HEPACAM: variants seen among roughly 807,000 people sequenced by gnomAD.
The protein encoded by HEPACAM is hepatocyte cell adhesion molecule.
HEPACAM carries 18 observed loss-of-function variants against 38.3 expected under a neutral mutation model. The ratio of observed to expected loss-of-function variants is 0.47; its 90% CI spans 0.33 to 0.70. The LOEUF is 0.70. HEPACAM is among the 30% of genes least tolerant of loss of function. HEPACAM has a pLI of 0.03. For missense variants in HEPACAM, 466 were observed against 563.0 expected (o/e 0.83, Z 1.74); for synonymous variants, 216 against 243.1 (o/e 0.89, Z 1.04).
At position 124,924,880 on chromosome 11, in the gene HEPACAM, C is replaced by T. The variant is rs387907050; in HGVS notation, c.275G>A (p.Arg92Gln). Residue 92 changes from arginine (R) to glutamine (Q), a missense_variant, in exon 2 of 7, where the codon CGG becomes CAG. Transcript: ENST00000298251. The surrounding 1 kb of genome is among the most constrained non-coding windows in gnomAD (Gnocchi z 4.4). ...SIGTEVIGTLRPDYRDRIRLF... is the reference protein window; with the variant it reads ...SIGTEVIGTLQPDYRDRIRLF... ...TCGGATACGGTCTCGATAGTCAGGC[C>T]GCAGGGTGCCGATGACCTCTGTGCC... is the stretch of plus-strand genomic sequence containing the variant. 6.2e-7 allele frequency: 1 copy of T among 1,614,180 alleles called. No homozygotes were observed.
chr11:124,922,917 CT>C (rs1478803922), intron 4 of HEPACAM, 99 bp from the exon 5 acceptor site: 1 of 1,220,762 alleles, frequency 8.2e-7, no homozygotes, highest in East Asian at 2.3e-5. Flanking sequence ...TAAAAGAGGC[CT>C]TGTGACAGGA....
At chr11:124,922,014 A>C (rs917264010) in intron 6 of HEPACAM, among the ~76,000 whole-genome samples, 1 of 152,218 alleles carries the variant, frequency 6.6e-6, no homozygotes, top group Non-Finnish European at 1.5e-5. Context: ...GCAAAGCTTC[A>C]TATGTATTTA....
rs1443833639 is a variant in HEPACAM at position 124,923,778 on chromosome 11, C to T, written c.660G>A (p.Glu220=). 1.9e-6 allele frequency: 3 copies of T among 1,614,076 alleles called. No homozygotes were observed. The highest frequency in any genetic ancestry group is 1.3e-5 in the African/African-American group (1 of 74,924). Residue 220 remains glutamate (E), a synonymous_variant, in exon 3 of 7, where the codon GAG becomes GAA. Coordinates refer to ENST00000298251, the MANE Select transcript of HEPACAM (RefSeq NM_152722.5). ...GGCTGCGGCCCTGGCTGATGGGGTT[C>T]TCCACCATGCAGCTGTACAGGTCGT... ...EDDDLYSCMV[E]NPISQGRSLP...
intron 1 of HEPACAM, among the ~76,000 whole-genome samples, chr11:124,933,013 A>C (rs1286553577): frequency 6.6e-6 from 1 of 152,082 alleles, no homozygotes; most frequent in Non-Finnish European, 1.5e-5. Context: ...TTGGTCCCAG[A>C]AGCAAACATT....
In HEPACAM at chr11:124,921,229, C is replaced by G. The variant is rs1182107619; in HGVS notation, c.1160G>C (p.Arg387Pro). 2 of 1,469,590 alleles carry G rather than the reference C, an allele frequency of 1.4e-6. No individual in the cohort carries two copies. Among genetic ancestry groups the G allele is most frequent in the Non-Finnish European group, 1.8e-6 (2 of 1,116,646 alleles). The allele number at this position is 1,469,590 out of a possible 1,614,324, so 91.0% of individuals were successfully genotyped here. ...SPPRAPSSPG[R>P]SRSASRTLRT... is the part of the protein sequence containing the mutation. ...CAGTGTGCGCGAGGCGCTGCGCGAGCGGCCGGGCGAGCTCGGGGCCCTGGG... is the reference window on the plus strand; with the variant it reads ...CAGTGTGCGCGAGGCGCTGCGCGAGGGGCCGGGCGAGCTCGGGGCCCTGGG... The change falls in exon 7 of 7, where the codon CGC becomes CCC. Residue 387 changes from arginine to proline, a missense_variant. By Grantham distance (103) the Arg-to-Pro change is moderately radical. Coordinates refer to ENST00000298251, the MANE Select transcript of HEPACAM (RefSeq NM_152722.5). The surrounding 1 kb of genome is among the most constrained non-coding windows in gnomAD (Gnocchi z 4.6).
Position 124,920,967 on chromosome 11 carries a change from C to A in HEPACAM, c.*171G>T. 1.5e-6 allele frequency: 2 copies of A among 1,365,582 alleles called. No homozygotes were observed. The highest frequency in any genetic ancestry group is 1.9e-6 in the Non-Finnish European group (2 of 1,062,936). 84.6% of individuals were successfully genotyped at this position (1,365,582 alleles called of 1,614,324 possible). On this transcript the variant is annotated 3_prime_UTR_variant, in exon 7 of 7. Coordinates refer to ENST00000298251, the MANE Select transcript of HEPACAM (RefSeq NM_152722.5). ...CACCATATCAACACTGCCGCCTCCG[C>A]GCACCCGCCTCCGTCTGCGCATGCT...
In HEPACAM at chr11:124,920,677, GCA is replaced by G. The variant is rs1491245979; in HGVS notation, c.*459_*460del. ...AAAGTGGCCTCTCTAATCTGAACTTGCAAAAAAAAAAAAAAAAAAAAAAAAAA... is the reference window on the plus strand; with the variant it reads ...AAAGTGGCCTCTCTAATCTGAACTTGAAAAAAAAAAAAAAAAAAAAAAAAA... On this transcript the variant is annotated 3_prime_UTR_variant, in exon 7 of 7. Transcript: ENST00000298251. The G allele has an allele frequency of 5.4e-3, 579 of 107,916 alleles. 11 individuals carry two copies. The highest frequency in any genetic ancestry group is 0.015 in the South Asian group (83 of 5,710). 6.7% of individuals were successfully genotyped at this position (107,916 alleles called of 1,614,324 possible).
intron 1 of HEPACAM, among the ~76,000 whole-genome samples, chr11:124,926,109 T>C (rs954097298): frequency 6.6e-6 from 1 of 152,092 alleles, no homozygotes; most frequent in East Asian, 1.9e-4. Context: ...GGCTGAGACA[T>C]GAGAATCGCT....
Position 124,921,294 on chromosome 11 carries a change from TG to T in HEPACAM, c.1094del (p.Pro365GlnfsTer38). ...IRSARRYPRS[P>X]ARSPATGRTH... is the part of the protein sequence containing the mutation. ...TCCGGCCGGTGGCTGGGGAGCGCGCTGGGGAGCGCGGGTAGCGGCGGGCAGA... is the reference window on the plus strand; with the variant it reads ...TCCGGCCGGTGGCTGGGGAGCGCGCTGGGAGCGCGGGTAGCGGCGGGCAGA... On this transcript the variant is annotated frameshift_variant, in exon 7 of 7. Transcript: ENST00000298251. LOFTEE classifies it high-confidence loss of function. This position sits in a 1 kb window ranked among gnomAD's most constrained non-coding sequence, Gnocchi z 4.6. 7.6e-7 allele frequency: 1 copy of T among 1,312,286 alleles called. No individual in the cohort carries two copies. Among genetic ancestry groups the T allele is most frequent in the South Asian group, 2.3e-5 (1 of 43,938 alleles). The allele number at this position is 1,312,286 out of a possible 1,614,324, so 81.3% of individuals were successfully genotyped here. A position where few individuals can be genotyped will look rare whatever the true frequency, so the allele number is the denominator to read the frequency against.
In HEPACAM at chr11:124,920,612, T is replaced by A; in HGVS notation, c.*526A>T. ...GCCCCTGCACACCCAGTAACCGGCATCTGGCTTCTCCTTAGCTTAGTGCAG... is the reference window on the plus strand; with the variant it reads ...GCCCCTGCACACCCAGTAACCGGCAACTGGCTTCTCCTTAGCTTAGTGCAG... On this transcript the variant is annotated 3_prime_UTR_variant, in exon 7 of 7. Transcript: ENST00000298251. 9.3e-7 allele frequency: 1 copy of A among 1,077,904 alleles called. No individual in the cohort carries two copies. The allele number at this position is 1,077,904 out of a possible 1,614,324, so 66.8% of individuals were successfully genotyped here.
intron 1 of HEPACAM, among the ~76,000 whole-genome samples, chr11:124,934,476 G>A (rs1947318667): frequency 6.6e-6 from 1 of 150,594 alleles, no homozygotes; most frequent in Non-Finnish European, 1.5e-5. Context: ...ACCTAATCTA[G>A]TATGTGTCCT....
chr11:124,919,977 C>A lies in HEPACAM; in HGVS notation c.*1161G>T. 6.2e-7 allele frequency: 1 copy of A among 1,613,632 alleles called. No individual in the cohort carries two copies. Among genetic ancestry groups the A allele is most frequent in the Non-Finnish European group, 8.5e-7 (1 of 1,180,026 alleles). On this transcript the variant is annotated 3_prime_UTR_variant, in exon 7 of 7. Coordinates refer to ENST00000298251, the MANE Select transcript of HEPACAM (RefSeq NM_152722.5). ...AGGCGGTGGCATGGGCATGTCCTGG[C>A]TACACAGCGGCCCAGCCTCTTTATT...
At position 124,920,885 on chromosome 11, in the gene HEPACAM, C is replaced by G. The variant is rs1261608294; in HGVS notation, c.*253G>C. On this transcript the variant is annotated 3_prime_UTR_variant, in exon 7 of 7. Coordinates refer to ENST00000298251, the MANE Select transcript of HEPACAM (RefSeq NM_152722.5). Reference sequence around the variant, plus strand: ...TAATCTATGTGGTCCTAAGAGGGCACAACCTATACCAAGTGAGGACACAGC... The same window carrying G: ...TAATCTATGTGGTCCTAAGAGGGCAGAACCTATACCAAGTGAGGACACAGC... The G allele has an allele frequency of 7.5e-7, 1 of 1,326,964 alleles. No homozygotes were observed. Among genetic ancestry groups the G allele is most frequent in the East Asian group, 3.1e-5 (1 of 31,824 alleles). 82.2% of individuals were successfully genotyped at this position (1,326,964 alleles called of 1,614,324 possible). A position where few individuals can be genotyped will look rare whatever the true frequency, so the allele number is the denominator to read the frequency against.
intron 1 of HEPACAM, among the ~76,000 whole-genome samples, chr11:124,931,386 T>G (rs928276211): frequency 1.3e-5 from 2 of 151,936 alleles, no homozygotes; most frequent in African/African-American, 2.4e-5. Flanking sequence ...TAAAAAAAAA[T>G]TATAGAGAAG....
chr11:124,931,752 A>C (rs1947283440), intron 1 of HEPACAM, among the ~76,000 whole-genome samples: 1 of 152,248 alleles, frequency 6.6e-6, no homozygotes, highest in Non-Finnish European at 1.5e-5. Flanking sequence ...TCTGTTCTCC[A>C]AAAGACATGT....
intron 1 of HEPACAM, among the ~76,000 whole-genome samples, chr11:124,934,468 C>T (rs897986780): frequency 2.0e-5 from 3 of 150,536 alleles, no homozygotes; most frequent in African/African-American, 7.4e-5. Flanking sequence ...TAGGATGGAC[C>T]TAATCTAGTA....
intron 1 of HEPACAM, among the ~76,000 whole-genome samples, chr11:124,932,082 G>A (rs539554329): frequency 6.6e-6 from 1 of 152,340 alleles, no homozygotes; most frequent in South Asian, 2.1e-4. Context: ...CAGTAACTGA[G>A]ATAGTATGAG....
In HEPACAM at chr11:124,923,735, C is replaced by A; in HGVS notation, c.703G>T (p.Val235Leu). ...AGCCTGCGGGGAAACTCACTGTATA[C>A]GGTGATCTTGACAGGCAGGCTGCGG... ...QGRSLPVKIT[V>L]YRRSSLYIIL... Residue 235 changes from valine to leucine, a missense_variant, in exon 3 of 7, where the codon GTA (valine) becomes TTA (leucine). Val to Leu is a conservative substitution (Grantham distance 32). Coordinates refer to ENST00000298251, the MANE Select transcript of HEPACAM (RefSeq NM_152722.5). The A allele has an allele frequency of 1.9e-6, 3 of 1,614,120 alleles. No individual in the cohort carries two copies. The highest frequency in any genetic ancestry group is 8.5e-7 in the Non-Finnish European group (1 of 1,180,024).
chr11:124,934,502 T>C (rs1219452312), intron 1 of HEPACAM, among the ~76,000 whole-genome samples: 1 of 150,704 alleles, frequency 6.6e-6, no homozygotes, highest in Non-Finnish European at 1.5e-5. Context: ...AAAGGGGAAA[T>C]GTGGACATAG....
Sources: allele counts gnomAD v4.1 joint callset (sites outside exome capture counted in the v4.1 genomes callset), GRCh38; gene constraint gnomAD v4.1.1; non-coding constraint Gnocchi (gnomAD v3.1); transcripts MANE v1.5; gene names NCBI Gene and HGNC (gene_info 2026-07-23, HGNC 2026-07-21).